Variants in KIF26B observed in about 807,000 individuals in gnomAD.
KIF26B encodes kinesin-like protein KIF26B.
A neutral mutation model predicts 151.2 loss-of-function variants in KIF26B; 63 were observed. The observed-to-expected ratio is 0.42, with a 90% CI of 0.34 to 0.51. KIF26B has a LOEUF of 0.51. Among genes scored for constraint, KIF26B ranks in the 20% least tolerant of loss-of-function variants. The pLI is 0.07. For missense variants in KIF26B, 2,813 were observed against 2,913.6 expected (o/e 0.97, Z 0.79); for synonymous variants, 1,357 against 1,262.1 (o/e 1.08, Z -1.59).
intron 6 of KIF26B, among the ~76,000 whole-genome samples, chr1:245,605,600 C>G (rs1362342862): frequency 6.6e-6 from 1 of 152,174 alleles, no homozygotes; most frequent in Non-Finnish European, 1.5e-5. Flanking sequence ...GGGACACACC[C>G]CTGCTGGAGA....
chr1:245,400,140 G>T (rs496529), intron 3 of KIF26B, among the ~76,000 whole-genome samples: 108,065 of 152,100 alleles, frequency 0.71, 39,130 homozygotes, highest in African/African-American at 0.86. Context: ...AAAATTGGCT[G>T]CTCATTTTCT....
At chr1:245,232,705 C>T (rs1468635216) in intron 2 of KIF26B, among the ~76,000 whole-genome samples, 1 of 152,126 alleles carries the variant, frequency 6.6e-6, no homozygotes, top group African/African-American at 2.4e-5. Context: ...CATGAGCCAC[C>T]ACTCCCGGCT....
intron 5 of KIF26B, among the ~76,000 whole-genome samples, chr1:245,548,624 A>C (rs1356814463): frequency 1.3e-5 from 2 of 152,340 alleles, no homozygotes; most frequent in Non-Finnish European, 2.9e-5. Flanking sequence ...CTAACTTGTC[A>C]TCCCACTTTG....
intron 10 of KIF26B, among the ~76,000 whole-genome samples, chr1:245,670,433 T>G (rs771234282): frequency 6.6e-6 from 1 of 151,650 alleles, no homozygotes; most frequent in Non-Finnish European, 1.5e-5. Flanking sequence ...TGATTTGATA[T>G]ATATTGTGAA....
intron 4 of KIF26B, among the ~76,000 whole-genome samples, chr1:245,500,555 G>A (rs941709622): frequency 2.6e-5 from 4 of 152,172 alleles, no homozygotes; most frequent in Admixed American, 6.5e-5. Context: ...TAACATGCTC[G>A]GTGCCTGAAG....
chr1:245,209,629 TGA>T (rs1371404130), intron 2 of KIF26B, among the ~76,000 whole-genome samples: 2 of 152,170 alleles, frequency 1.3e-5, no homozygotes, highest in Non-Finnish European at 2.9e-5. Context: ...GCCTGGAGCA[TGA>T]GAGATTCTCA....
chr1:245,471,125 G>GTATA (rs1350615793), intron 4 of KIF26B, among the ~76,000 whole-genome samples: 1,515 of 144,872 alleles, frequency 0.01, 8 homozygotes, highest in Middle Eastern at 0.021. Flanking sequence ...ATGTGTGTGT[G>GTATA]TGTGTGTATA....
chr1:245,235,526 G>A (rs188372304), intron 2 of KIF26B, among the ~76,000 whole-genome samples: 1 of 152,040 alleles, frequency 6.6e-6, no homozygotes, highest in Non-Finnish European at 1.5e-5. Context: ...CTAAGAGTTT[G>A]AGGTTGCAAT....
intron 3 of KIF26B, among the ~76,000 whole-genome samples, chr1:245,408,860 A>G (rs1674204180): frequency 6.6e-6 from 1 of 152,178 alleles, no homozygotes; most frequent in Non-Finnish European, 1.5e-5. Context: ...CTCTTACTCG[A>G]TCGCAGTTGT....
chr1:245,249,774 C>T (rs1670409011), intron 2 of KIF26B, among the ~76,000 whole-genome samples: 1 of 152,138 alleles, frequency 6.6e-6, no homozygotes, highest in Admixed American at 6.6e-5. Context: ...TGAGCCACTG[C>T]ATCAAAATGC....
chr1:245,699,360 C>T (rs1336892698), intron 14 of KIF26B, among the ~76,000 whole-genome samples: 1 of 152,130 alleles, frequency 6.6e-6, no homozygotes, highest in Non-Finnish European at 1.5e-5. Flanking sequence ...TTACAAATCT[C>T]CTAGGCCACA....
In KIF26B at chr1:245,476,647, C is replaced by G. The variant is rs531104651; in HGVS notation, c.1166+56902C>G. On this transcript the variant is annotated intron_variant, in intron 4 of 14. Coordinates refer to ENST00000407071, the MANE Select transcript of KIF26B (RefSeq NM_018012.4). ...ACCTCCCGGGCTCAAGTGATGCTCA[C>G]ACCTCAGCCTCCCGAGTAGTTGAGA... Among the ~76,000 whole-genome samples, 11 of 151,592 alleles carry G rather than the reference C, an allele frequency of 7.3e-5. No homozygotes were observed. The East Asian group carries it at 2.1e-3, about 29-fold the overall frequency.
intron 5 of KIF26B, among the ~76,000 whole-genome samples, chr1:245,574,864 CTTTT>C (rs201010492): frequency 7.9e-6 from 1 of 126,246 alleles, no homozygotes; most frequent in Non-Finnish European, 1.7e-5. Flanking sequence ...TTTTTTTTTT[CTTTT>C]TTTTTTTTTT....
At chr1:245,678,933 G>C (rs1388931178) in intron 10 of KIF26B, among the ~76,000 whole-genome samples, 2 of 152,058 alleles carry the variant, frequency 1.3e-5, no homozygotes, top group Non-Finnish European at 2.9e-5. Flanking sequence ...CTGTGCGTAT[G>C]GCTGGCTGTG....
Position 245,282,815 on chromosome 1 carries a change from T to TA in KIF26B, c.466-84010dup, listed in dbSNP as rs34770861. The TA allele has an allele frequency of 2.7e-4, 48 of 174,780 alleles. 1 individual carries two copies. The highest frequency in any genetic ancestry group is 6.7e-4 in the African/African-American group (28 of 41,660). 10.8% of individuals were successfully genotyped at this position (174,780 alleles called of 1,614,324 possible). ...TTGCCTATTAAACTCTCCGCTCCTT[T>TA]AAAAAAAAAGAAAAAGAGCATAATT... On this transcript the variant is annotated intron_variant, in intron 2 of 14. Transcript: ENST00000407071.
chr1:245,426,949 C>T (rs1658662853), intron 4 of KIF26B, among the ~76,000 whole-genome samples: 1 of 152,096 alleles, frequency 6.6e-6, no homozygotes, highest in Non-Finnish European at 1.5e-5. Flanking sequence ...TTCTTTAGTC[C>T]CTGGGCCCTT....
intron 2 of KIF26B, among the ~76,000 whole-genome samples, chr1:245,345,730 C>G (rs1318643516): frequency 1.3e-5 from 2 of 151,930 alleles, no homozygotes; most frequent in Non-Finnish European, 2.9e-5. Context: ...TGTGGCGCCT[C>G]CTTCCTTGCT....
At chr1:245,169,540 C>T (rs1005677774) in intron 2 of KIF26B, among the ~76,000 whole-genome samples, 9 of 152,100 alleles carry the variant, frequency 5.9e-5, no homozygotes, top group Non-Finnish European at 1.0e-4. Flanking sequence ...CTGACCCTCT[C>T]GGCAGGCTGA....
chr1:245,670,081 C>T (rs1013486572), intron 10 of KIF26B, among the ~76,000 whole-genome samples: 1 of 152,036 alleles, frequency 6.6e-6, no homozygotes, highest in Non-Finnish European at 1.5e-5. Flanking sequence ...CACCACTATA[C>T]AGTTCATCCA....
Sources: allele counts gnomAD v4.1 joint callset (sites outside exome capture counted in the v4.1 genomes callset), GRCh38; gene constraint gnomAD v4.1.1; transcripts MANE v1.5; gene names NCBI Gene and HGNC (gene_info 2026-07-23, HGNC 2026-07-21).